The following USP26 variants were observed in gnomAD, a reference collection of about 807,000 sequenced individuals.
USP26 encodes the protein ubiquitin carboxyl-terminal hydrolase 26.
For missense variants in USP26, 649 were observed against 642.3 expected (o/e 1.01, Z -0.11); for synonymous variants, 236 against 240.6 (o/e 0.98, Z 0.18).
At position 133,025,455 on chromosome X, in the gene USP26, T is replaced by A; in HGVS notation, c.*24A>T. On this transcript the variant is annotated 3_prime_UTR_variant, in exon 6 of 6. Coordinates refer to ENST00000511190, the MANE Select transcript of USP26 (RefSeq NM_031907.3). ...ATCGAGTGAGACAGTCAGGCAGATC[T>A]GTACAAGGAGGAGTACGTTCCTCTT... is the stretch of plus-strand genomic sequence containing the variant. 8.3e-7 allele frequency: 1 copy of A among 1,210,434 alleles called. No individual in the cohort carries two copies. Among genetic ancestry groups the A allele is most frequent in the East Asian group, 3.0e-5 (1 of 33,829 alleles).
chrX:133,057,938 T>C (rs1449037396), intron 5 of USP26, among the ~76,000 whole-genome samples: 3 of 79,714 alleles, frequency 3.8e-5, no homozygotes, highest in African/African-American at 9.3e-5. Flanking sequence ...AGTGCAGTGG[T>C]GCGATCTTGG....
chrX:133,057,866 A>ATATATATACATATTTTTTT lies in USP26; in HGVS notation c.-77+25840_-77+25841insAAAAAAATATGTATATATA, dbSNP rs1412413450. On this transcript the variant is annotated intron_variant, in intron 5 of 5. Transcript: ENST00000511190. ...ACATTATATATATATATATATATAT[A>ATATATATACATATTTTTTT]TTTTTTTTTTTTTTTTTTTTTTTTT... 2.1e-4 allele frequency among the ~76,000 whole-genome samples: 2 copies of ATATATATACATATTTTTTT among 9,329 alleles called. 1 individual carries two copies. Among genetic ancestry groups the ATATATATACATATTTTTTT allele is most frequent in the African/African-American group, 1.3e-3 (2 of 1,524 alleles). The allele number at this position is 9,329 out of a possible 115,157, so 8.1% of individuals were successfully genotyped here. A position where few individuals can be genotyped will look rare whatever the true frequency, so the allele number is the denominator to read the frequency against.
At position 133,084,512 on chromosome X, in the gene USP26, CTTTTT is replaced by C. The variant is rs34922544; in HGVS notation, c.-141-746_-141-742del. Among the ~76,000 whole-genome samples the C allele has an allele frequency of 3.8e-3, 272 of 71,128 alleles. 1 individual carries two copies. Among genetic ancestry groups the C allele is most frequent in the Non-Finnish European group, 5.4e-3 (207 of 38,344 alleles). 61.8% of individuals were successfully genotyped at this position (71,128 alleles called of 115,157 possible). ...CCGGGCCTGGCCTGGGGCAGAACTTCTTTTTTTTTTTTTTTTTTTGAGATGGAACC... is the reference window on the plus strand; with the variant it reads ...CCGGGCCTGGCCTGGGGCAGAACTTCTTTTTTTTTTTTTTGAGATGGAACC... On this transcript the variant is annotated intron_variant, in intron 4 of 5. Transcript: ENST00000511190.
At chrX:133,052,167 C>T (rs567773054) in intron 5 of USP26, among the ~76,000 whole-genome samples, 1 of 111,957 alleles carries the variant, frequency 8.9e-6, no homozygotes, top group Non-Finnish European at 1.9e-5. Flanking sequence ...TGGATGTAGT[C>T]CAAAGTCACG....
In USP26 at chrX:133,066,454, T is replaced by C. The variant is rs956945095; in HGVS notation, c.-77+17253A>G. On this transcript the variant is annotated intron_variant, in intron 5 of 5. Coordinates refer to ENST00000511190, the MANE Select transcript of USP26 (RefSeq NM_031907.3). ...AAAAAGAACAAAGCTGGAGGCACCA[T>C]GCTACCTGGCTTCAAACTAGTCTAC... Among the ~76,000 whole-genome samples the C allele has an allele frequency of 4.5e-5, 5 of 111,651 alleles. No homozygotes were observed. The South Asian group carries it at 1.1e-3, about 25-fold the overall frequency.
chrX:133,045,668 A>G (rs1014190407), intron 5 of USP26, among the ~76,000 whole-genome samples: 1 of 111,235 alleles, frequency 9.0e-6, no homozygotes, highest in Non-Finnish European at 1.9e-5. Context: ...GAAGGTCTGC[A>G]GCTTCGCTCC....
At chrX:133,030,051 G>A (rs899923405) in intron 5 of USP26, among the ~76,000 whole-genome samples, 4 of 111,897 alleles carry the variant, frequency 3.6e-5, no homozygotes. Context: ...CTCCATTGAA[G>A]AGCACTATGT....
intron 5 of USP26, among the ~76,000 whole-genome samples, chrX:133,068,814 T>C (rs1273929058): frequency 3.5e-5 from 4 of 112,722 alleles, no homozygotes; most frequent in Admixed American, 9.4e-5. Context: ...TAAAGTTAGA[T>C]GCAGTGCTTA....
intron 4 of USP26, 41 bp from the exon 5 acceptor site, chrX:133,083,812 C>G (rs935650460): frequency 9.0e-6 from 1 of 111,619 alleles, no homozygotes; most frequent in African/African-American, 3.3e-5. Flanking sequence ...AAAGAAGTTG[C>G]TCTAAGCAGC....
intron 5 of USP26, among the ~76,000 whole-genome samples, chrX:133,058,244 T>C (rs989068343): frequency 9.1e-6 from 1 of 110,137 alleles, no homozygotes; most frequent in African/African-American, 3.3e-5. Context: ...CATGTGAGCT[T>C]GAGAATATGT....
At chrX:133,084,208 GTTTA>G (rs1339176759) in intron 4 of USP26, among the ~76,000 whole-genome samples, 7 of 111,436 alleles carry the variant, frequency 6.3e-5, no homozygotes, top group African/African-American at 9.8e-5. Context: ...TAGTTTGTTT[GTTTA>G]TTTATTTATT....
In USP26 at chrX:133,027,784, A is replaced by G. The variant is rs376066326; in HGVS notation, c.437T>C (p.Ile146Thr). The change falls in exon 6 of 6, where the codon ATA (isoleucine) becomes ACA (threonine). Residue 146 changes from isoleucine to threonine, a missense_variant. Coordinates refer to ENST00000511190, the MANE Select transcript of USP26 (RefSeq NM_031907.3). ...GACACCTGTCCCACTTCCTTTTGCT[A>G]TCTCAAAAGATTTGCTACTTGATTT... ...DEKSSSKSFE[I>T]AKGSGTGVLQ... 9 of 1,210,208 alleles carry G rather than the reference A, an allele frequency of 7.4e-6. No individual in the cohort carries two copies. The highest frequency in any genetic ancestry group is 3.0e-5 in the East Asian group (1 of 33,793).
At chrX:133,035,087 C>T (rs1371497731) in intron 5 of USP26, among the ~76,000 whole-genome samples, 2 of 111,331 alleles carry the variant, frequency 1.8e-5, no homozygotes, top group African/African-American at 6.5e-5. Context: ...AATCTGACAT[C>T]TTTACTCTGG....
intron 5 of USP26, among the ~76,000 whole-genome samples, chrX:133,040,780 G>A (rs1289359589): frequency 9.0e-6 from 1 of 111,503 alleles, no homozygotes; most frequent in East Asian, 2.8e-4. Flanking sequence ...ATATCCTGAA[G>A]TGTGTTTTCC....
Position 133,026,118 on chromosome X carries a change from A to T in USP26, c.2103T>A (p.Tyr701Ter), listed in dbSNP as rs1381474908. ...TVPENPKRKK[Y>*]VKTSKFVAFD... ...AAGCTACAAACTTACTGGTTTTCAC[A>T]TATTTCTTTCGTTTTGGATTTTCGG... The change falls in exon 6 of 6, where the codon TAT (tyrosine) becomes TAA (stop). Residue 701 changes from tyrosine (Y) to a stop codon, truncating the protein, a stop_gained. Coordinates refer to ENST00000511190, the MANE Select transcript of USP26 (RefSeq NM_031907.3). LOFTEE classifies it low-confidence loss of function (END_TRUNC). 1 of 1,208,451 alleles carries T rather than the reference A, an allele frequency of 8.3e-7. No individual in the cohort carries two copies. Among genetic ancestry groups the T allele is most frequent in the Non-Finnish European group, 1.1e-6 (1 of 894,858 alleles).
intron 4 of USP26, among the ~76,000 whole-genome samples, chrX:133,086,200 G>A (rs1470058100): frequency 1.8e-5 from 2 of 112,244 alleles, no homozygotes; most frequent in Non-Finnish European, 3.8e-5. Flanking sequence ...AATAAATGAC[G>A]TTGTGCTAAA....
rs905795805 is a variant in USP26 at position 133,029,551 on chromosome X, C to T, written c.-76-1255G>A. Among the ~76,000 whole-genome samples, 18 of 111,804 alleles carry T rather than the reference C, an allele frequency of 1.6e-4. No individual in the cohort carries two copies. In the Admixed American group the frequency reaches 1.6e-3, roughly 10 times the overall value. On this transcript the variant is annotated intron_variant, in intron 5 of 5. Transcript: ENST00000511190. ...AGTTCTCTGGATTATTTCTATTTCA[C>T]TGTCCTACTATAGATGCTAAGTAAG...
Position 133,027,534 on chromosome X carries a change from C to A in USP26, c.687G>T (p.Glu229Asp). 1.7e-6 allele frequency: 2 copies of A among 1,209,197 alleles called. No homozygotes were observed. The highest frequency in any genetic ancestry group is 2.2e-6 in the Non-Finnish European group (2 of 894,130). Residue 229 changes from glutamate to aspartate, a missense_variant, in exon 6 of 6, where the codon GAG (glutamate) becomes GAT (aspartate). Glu to Asp is a conservative substitution (Grantham distance 45). Coordinates refer to ENST00000511190, the MANE Select transcript of USP26 (RefSeq NM_031907.3). Reference protein sequence around the residue: ...EKQLKLKELEENKKLECESSC... With the variant: ...EKQLKLKELEDNKKLECESSC... ...AAGATTCACATTCCAATTTCTTATT[C>A]TCTTCTAACTCTTTTAACTTCAATT...
At chrX:133,073,913 C>T (rs2067538855) in intron 5 of USP26, among the ~76,000 whole-genome samples, 1 of 110,959 alleles carries the variant, frequency 9.0e-6, no homozygotes, top group Non-Finnish European at 1.9e-5. Context: ...CATATCTGGC[C>T]TTGTGACTGT....
Sources: allele counts gnomAD v4.1 joint callset (sites outside exome capture counted in the v4.1 genomes callset), GRCh38; gene constraint gnomAD v4.1.1; transcripts MANE v1.5; gene names NCBI Gene and HGNC (gene_info 2026-07-23, HGNC 2026-07-21).